The following GPC6 variants were observed in gnomAD, a reference collection of about 807,000 sequenced individuals.
The protein encoded by GPC6 is glypican-6.
A neutral mutation model predicts 55.2 loss-of-function variants in GPC6; 14 were observed. The ratio of observed to expected loss-of-function variants is 0.25; its 90% confidence interval spans 0.17 to 0.40. The LOEUF (loss-of-function observed/expected upper bound fraction) is 0.40. Ranked by LOEUF, GPC6 falls within the 10% of genes least tolerant of loss-of-function variation. The probability of loss-of-function intolerance (pLI) is 1.00; values close to 1 mark genes in which losing one functional copy is unlikely to be tolerated. For missense variants in GPC6, 641 were observed against 708.5 expected (o/e 0.90, Z 1.08); for synonymous variants, 278 against 259.6 (o/e 1.07, Z -0.68).
intron 6 of GPC6, among the ~76,000 whole-genome samples, chr13:94,367,420 AC>A (rs1202310999): frequency 6.6e-6 from 1 of 152,238 alleles, no homozygotes; most frequent in Non-Finnish European, 1.5e-5. Context: ...TGCCTACTGC[AC>A]TTAATGCCAT....
At chr13:94,353,431 C>T (rs971035331) in intron 6 of GPC6, among the ~76,000 whole-genome samples, 1 of 152,146 alleles carries the variant, frequency 6.6e-6, no homozygotes, top group African/African-American at 2.4e-5. Context: ...AGATGCTGCA[C>T]CTCATTTGGG....
intron 1 of GPC6, among the ~76,000 whole-genome samples, chr13:93,418,552 T>C (rs558918634): frequency 2.0e-5 from 3 of 151,562 alleles, no homozygotes; most frequent in African/African-American, 7.2e-5. Context: ...TGTACTGTAG[T>C]ATTATTTTAT....
intron 3 of GPC6, among the ~76,000 whole-genome samples, chr13:93,937,856 G>A (rs890388044): frequency 1.1e-4 from 16 of 152,174 alleles, no homozygotes; most frequent in African/African-American, 3.9e-4. Flanking sequence ...TGGGATTACA[G>A]GCATGAGCAC....
At chr13:93,856,013 A>G (rs2139019159) in intron 3 of GPC6, among the ~76,000 whole-genome samples, 1 of 151,620 alleles carries the variant, frequency 6.6e-6, no homozygotes, top group African/African-American at 2.4e-5. Context: ...AGTGTCTTTC[A>G]CAGAGCAGTT....
chr13:93,602,987 TTTTTTCTTTTTTC>T (rs905343253), intron 2 of GPC6, among the ~76,000 whole-genome samples: 9 of 135,726 alleles, frequency 6.6e-5, no homozygotes, highest in Admixed American at 1.4e-4. Flanking sequence ...TTCCTTTTTC[TTTTTTCTTTTTTC>T]TTTTTCTTTC....
At chr13:93,349,268 T>TC (rs200618090) in intron 1 of GPC6, among the ~76,000 whole-genome samples, 7 of 151,930 alleles carry the variant, frequency 4.6e-5, no homozygotes, top group South Asian at 2.1e-4. Flanking sequence ...AGCTTTTTTT[T>TC]CCCTGTAAAA....
At chr13:94,361,621 A>G (rs1879064380) in intron 6 of GPC6, among the ~76,000 whole-genome samples, 1 of 152,280 alleles carries the variant, frequency 6.6e-6, no homozygotes, top group African/African-American at 2.4e-5. Context: ...GAGCTTATAA[A>G]GTCCTTTTGT....
intron 3 of GPC6, among the ~76,000 whole-genome samples, chr13:93,971,092 C>T (rs1324633861): frequency 6.6e-6 from 1 of 152,190 alleles, no homozygotes; most frequent in African/African-American, 2.4e-5. Context: ...CACTGAGGAT[C>T]AGTTTCATGA....
At chr13:94,026,004 T>A (rs1882881987) in intron 3 of GPC6, among the ~76,000 whole-genome samples, 1 of 152,150 alleles carries the variant, frequency 6.6e-6, no homozygotes, top group South Asian at 2.1e-4. Context: ...TGGACAGATG[T>A]GTGAAAAAGC....
At chr13:93,927,414 G>A (rs1451374858) in intron 3 of GPC6, among the ~76,000 whole-genome samples, 3 of 152,006 alleles carry the variant, frequency 2.0e-5, no homozygotes, top group Non-Finnish European at 4.4e-5. Flanking sequence ...TGGTTATATA[G>A]TCTTTTACTT....
intron 4 of GPC6, among the ~76,000 whole-genome samples, chr13:94,238,977 G>C (rs1426070319): frequency 2.6e-5 from 4 of 152,136 alleles, no homozygotes; most frequent in Non-Finnish European, 5.9e-5. Context: ...CATTCATAAT[G>C]CTATAGTTTA....
intron 1 of GPC6, among the ~76,000 whole-genome samples, chr13:93,366,180 G>A (rs1210230871): frequency 6.6e-6 from 1 of 152,016 alleles, no homozygotes; most frequent in Non-Finnish European, 1.5e-5. Context: ...TCATTCTTTA[G>A]TAGGGCATTG....
chr13:93,811,348 G>A (rs954214614), intron 2 of GPC6, among the ~76,000 whole-genome samples: 3 of 152,208 alleles, frequency 2.0e-5, no homozygotes, highest in African/African-American at 4.8e-5. Context: ...CTTTGACAGA[G>A]TGATTGATCT....
At chr13:93,225,155 G>A (rs1357984560), upstream of GPC6, among the ~76,000 whole-genome samples, 1 of 152,198 alleles carries the variant, frequency 6.6e-6, no homozygotes, top group East Asian at 1.9e-4. Context: ...CCCAGGATAA[G>A]GTGGTAGGAC....
chr13:94,384,469 G>A (rs1026588839), intron 7 of GPC6, among the ~76,000 whole-genome samples: 2 of 152,166 alleles, frequency 1.3e-5, no homozygotes, highest in Non-Finnish European at 2.9e-5. Flanking sequence ...TAAAGCCTGG[G>A]TTTTGAACTG....
At chr13:93,694,159 A>C (rs1329189554) in intron 2 of GPC6, among the ~76,000 whole-genome samples, 1 of 152,180 alleles carries the variant, frequency 6.6e-6, no homozygotes, top group Non-Finnish European at 1.5e-5. Context: ...GAAATAAAAA[A>C]CATGCAACAT....
At chr13:94,176,326 AGACTAT>A (rs2138938730) in intron 4 of GPC6, among the ~76,000 whole-genome samples, 1 of 152,244 alleles carries the variant, frequency 6.6e-6, no homozygotes, top group East Asian at 1.9e-4. Flanking sequence ...TTCTCTCCTG[AGACTAT>A]GGTGATCTTT....
intron 3 of GPC6, among the ~76,000 whole-genome samples, chr13:93,973,701 C>G (rs1880390410): frequency 6.6e-6 from 1 of 152,004 alleles, no homozygotes; most frequent in Non-Finnish European, 1.5e-5. Context: ...CAATATTTAC[C>G]CTGTTTCAGT....
At chr13:94,399,877 C>G (rs1881054712) in intron 8 of GPC6, among the ~76,000 whole-genome samples, 1 of 152,154 alleles carries the variant, frequency 6.6e-6, no homozygotes, top group Admixed American at 6.5e-5. Flanking sequence ...GTTGCTTCAC[C>G]CTTGTTAGCA....
Sources: gnomAD v4.1 joint callset for allele counts (sites outside exome capture counted in the v4.1 genomes callset) on GRCh38, gnomAD v4.1.1 for gene constraint, MANE v1.5 for transcripts, NCBI Gene and HGNC (gene_info 2026-07-23, HGNC 2026-07-21) for gene names.